CCDC9: variants seen among roughly 807,000 people sequenced by gnomAD.
CCDC9 encodes the protein coiled-coil domain-containing protein 9.
CCDC9 carries 52 observed loss-of-function variants against 65.6 expected under a neutral mutation model. That is an observed-to-expected ratio of 0.79 (90% CI 0.63 to 1.00). The LOEUF is 1.00. CCDC9 is among the 50% of genes least tolerant of loss of function. The pLI, the probability that CCDC9 is intolerant of heterozygous loss-of-function variation, is 0.00. For synonymous variants in CCDC9, 332 were observed against 280.3 expected (o/e 1.18, Z -1.84); for missense variants, 834 against 757.2 (o/e 1.10, Z -1.19).
Position 47,261,943 on chromosome 19 carries a change from C to T in CCDC9, c.462+1104C>T, listed in dbSNP as rs1224059729. On this transcript the variant is annotated intron_variant, in intron 5 of 11. Transcript: ENST00000221922. ...GGCTGAGGCAGAAGAATTGCTTGAA[C>T]CTGGGAGGTGGAGGTTGCAGTGAGC... 2.0e-5 allele frequency among the ~76,000 whole-genome samples: 3 copies of T among 151,824 alleles called. No homozygotes were observed. The East Asian group carries it at 5.9e-4, about 30-fold the overall frequency.
chr19:47,275,643 C>T (rs1360998756), downstream of CCDC9: 8 of 456,698 alleles, frequency 1.8e-5, no homozygotes, highest in South Asian at 1.2e-4. Flanking sequence ...CCATCTGCCT[C>T]TTCACCTCCC....
downstream of CCDC9, chr19:47,275,234 C>A: frequency 6.5e-7 from 1 of 1,535,238 alleles, no homozygotes; most frequent in Non-Finnish European, 8.8e-7. Context: ...GGCCGCGACC[C>A]CAGCTCCAGC....
chr19:47,261,992 G>T (rs1016825345), intron 5 of CCDC9, among the ~76,000 whole-genome samples: 8 of 150,750 alleles, frequency 5.3e-5, no homozygotes, highest in African/African-American at 1.9e-4. Context: ...TTGTACTCCA[G>T]CCTGGACAAC....
downstream of CCDC9, chr19:47,275,365 A>G: frequency 2.0e-6 from 3 of 1,532,878 alleles, no homozygotes; most frequent in Non-Finnish European, 2.6e-6. Context: ...CTTCCACCCC[A>G]ACCCGGATCG....
At chr19:47,265,590 C>T (rs1055340903) in intron 7 of CCDC9, among the ~76,000 whole-genome samples, 3 of 152,076 alleles carry the variant, frequency 2.0e-5, no homozygotes, top group African/African-American at 4.8e-5. Flanking sequence ...CTAGTTGTTA[C>T]AGCTTTGTGG....
In CCDC9 at chr19:47,271,852, C is replaced by T. The variant is rs1203867222; in HGVS notation, c.*174C>T. 2.1e-6 allele frequency: 3 copies of T among 1,401,282 alleles called. No homozygotes were observed. In the African/African-American group the frequency reaches 4.3e-5, roughly 20 times the overall value. 86.8% of individuals were successfully genotyped at this position (1,401,282 alleles called of 1,614,324 possible). Reference sequence around the variant, plus strand: ...TGTCAGCTGAGGGGGTAGCGCAGCCCATGCTCTTCTGTACTGTCATGCCCG... The same window carrying T: ...TGTCAGCTGAGGGGGTAGCGCAGCCTATGCTCTTCTGTACTGTCATGCCCG... On this transcript the variant is annotated 3_prime_UTR_variant, in exon 12 of 12. Transcript: ENST00000221922.
In CCDC9 at chr19:47,271,273, G is replaced by A. The variant is rs771514955; in HGVS notation, c.1192-1G>A. The A allele has an allele frequency of 6.2e-7, 1 of 1,612,372 alleles. No homozygotes were observed. Among genetic ancestry groups the A allele is most frequent in the Non-Finnish European group, 8.5e-7 (1 of 1,179,140 alleles). On this transcript the variant is annotated splice_acceptor_variant, in intron 11 of 11. Coordinates refer to ENST00000221922, the MANE Select transcript of CCDC9 (RefSeq NM_015603.3). LOFTEE classifies it high-confidence loss of function. ...GCCCTGACTTGCCTGTGTCCCCAAAGCCACCCGAGATCCCAGCTCCTGCCC... is the reference window on the plus strand; with the variant it reads ...GCCCTGACTTGCCTGTGTCCCCAAAACCACCCGAGATCCCAGCTCCTGCCC...
At chr19:47,261,934 T>C (rs904530778) in intron 5 of CCDC9, among the ~76,000 whole-genome samples, 38 of 151,528 alleles carry the variant, frequency 2.5e-4, no homozygotes, top group African/African-American at 9.0e-4. Flanking sequence ...GGCAGAAGAA[T>C]TGCTTGAACC....
downstream of CCDC9, chr19:47,274,759 G>C (rs867924883): frequency 1.3e-5 from 5 of 371,030 alleles, no homozygotes; most frequent in Admixed American, 1.1e-4. Flanking sequence ...GGTGGGCCTA[G>C]GATGCGGAGG....
chr19:47,270,685 A>C lies in CCDC9; in HGVS notation c.1082A>C (p.Tyr361Ser), dbSNP rs543129639. 2 of 1,610,406 alleles carry C rather than the reference A, an allele frequency of 1.2e-6. No homozygotes were observed. The highest frequency in any genetic ancestry group is 1.7e-6 in the Non-Finnish European group (2 of 1,179,606). ...CAGGCCAAGGCAGCGCCCAGGGCCTACAGGTGGGGCACCCCTTCTGCGGGC... is the reference window on the plus strand; with the variant it reads ...CAGGCCAAGGCAGCGCCCAGGGCCTCCAGGTGGGGCACCCCTTCTGCGGGC... ...RPQAKAAPRA[Y>S]SDHDDRWETK... Residue 361 changes from tyrosine to serine, a missense_variant, in exon 10 of 12, where the codon TAC (tyrosine) becomes TCC (serine). Physicochemically the swap from Tyr to Ser is moderately radical, Grantham distance 144. Coordinates refer to ENST00000221922, the MANE Select transcript of CCDC9 (RefSeq NM_015603.3).
In CCDC9 at chr19:47,260,635, C is replaced by A; in HGVS notation, c.258C>A (p.Pro86=). The part of the protein sequence containing the change: ...PSRRSPGTPR[P]PGASKGGRTP... ...GGAGGTCTCCTGGGACCCCTCGGCC[C>A]CCAGGGGCCAGCAAGGGGGGCCGGA... Residue 86 remains proline (P), a synonymous_variant, in exon 5 of 12, where the codon CCC becomes CCA. Coordinates refer to ENST00000221922, the MANE Select transcript of CCDC9 (RefSeq NM_015603.3). 6.6e-7 allele frequency: 1 copy of A among 1,523,732 alleles called. No homozygotes were observed. The highest frequency in any genetic ancestry group is 2.1e-4 in the Middle Eastern group (1 of 4,756). The allele number at this position is 1,523,732 out of a possible 1,614,324, so 94.4% of individuals were successfully genotyped here.
chr19:47,274,912 C>CTGCGGGGT, downstream of CCDC9: 1 of 1,304,404 alleles, frequency 7.7e-7, no homozygotes. Context: ...GCCGAGTGGG[C>CTGCGGGGT]TGCGGGGATG....
At chr19:47,275,433 G>A (rs1055497890), downstream of CCDC9, 13 of 1,446,634 alleles carry the variant, frequency 9.0e-6, no homozygotes, top group African/African-American at 1.3e-4. Flanking sequence ...GGATTGGTCC[G>A]GCCTTCTTCC....
At chr19:47,274,996 G>C, downstream of CCDC9, 1 of 1,470,228 alleles carries the variant, frequency 6.8e-7, no homozygotes, top group Non-Finnish European at 9.0e-7. Context: ...CCGCGGGGGC[G>C]CTGGCTGCGC....
intron 8 of CCDC9, among the ~76,000 whole-genome samples, chr19:47,267,264 G>A (rs553103882): frequency 6.6e-6 from 1 of 151,648 alleles, no homozygotes; most frequent in African/African-American, 2.4e-5. Flanking sequence ...GCGCGCGGCC[G>A]AGCATTTCTG....
chr19:47,273,254 T>G (rs2059134725), downstream of CCDC9: 2 of 661,080 alleles, frequency 3.0e-6, no homozygotes, highest in South Asian at 1.6e-4. Flanking sequence ...TGGCAAGGGC[T>G]CGAACTGGAT....
In CCDC9 at chr19:47,269,608, G is replaced by A. The variant is rs150606609; in HGVS notation, c.903-799G>A. ...CCCACCTGGACTCCCAAAGTGTTGG[G>A]ATTACAGGCGTGAGCCACCGTGCCC... is the stretch of plus-strand genomic sequence containing the variant. On this transcript the variant is annotated intron_variant, in intron 8 of 11. Coordinates refer to ENST00000221922, the MANE Select transcript of CCDC9 (RefSeq NM_015603.3). Among the ~76,000 whole-genome samples the A allele has an allele frequency of 6.3e-3, 954 of 152,284 alleles. 5 individuals carry two copies. The highest frequency in any genetic ancestry group is 9.7e-3 in the Non-Finnish European group (661 of 68,012).
downstream of CCDC9, chr19:47,272,256 T>G: frequency 1.2e-6 from 1 of 810,824 alleles, no homozygotes; most frequent in Non-Finnish European, 1.7e-6. Context: ...GGTGAATGTG[T>G]GTAGGTAGCA....
chr19:47,261,030 C>T (rs2059042233), intron 5 of CCDC9, among the ~76,000 whole-genome samples, 191 bp downstream of exon 5: 1 of 151,832 alleles, frequency 6.6e-6, no homozygotes, highest in African/African-American at 2.4e-5. Flanking sequence ...CTTCTAGTTC[C>T]CCCTGTTCCT....
Sources: allele counts gnomAD v4.1 joint callset (sites outside exome capture counted in the v4.1 genomes callset), GRCh38; gene constraint gnomAD v4.1.1; transcripts MANE v1.5; gene names NCBI Gene and HGNC (gene_info 2026-07-23, HGNC 2026-07-21).